Variants in RNGTT observed in about 807,000 individuals in gnomAD.
RNGTT encodes the protein RNA guanylyltransferase and 5'-phosphatase.
RNGTT carries 33 observed loss-of-function variants against 79.3 expected under a neutral mutation model. The observed-to-expected ratio is 0.42, with a 90% CI of 0.32 to 0.56. RNGTT has a LOEUF of 0.56. RNGTT is among the 20% of genes least tolerant of loss of function. The pLI is 0.17. For missense variants in RNGTT, 497 were observed against 739.1 expected (o/e 0.67, Z 3.80); for synonymous variants, 222 against 235.9 (o/e 0.94, Z 0.54).
intron 12 of RNGTT, among the ~76,000 whole-genome samples, chr6:88,779,114 G>A (rs1448017626): frequency 6.6e-6 from 1 of 152,146 alleles, no homozygotes; most frequent in Admixed American, 6.6e-5. Context: ...AGGCCTTTAA[G>A]TAACAGTGGC....
intron 8 of RNGTT, among the ~76,000 whole-genome samples, chr6:88,886,032 G>A (rs1310472535): frequency 2.6e-5 from 4 of 152,306 alleles, no homozygotes; most frequent in East Asian, 3.9e-4. Context: ...GAGGCCGGGC[G>A]CGGTGGCTCA....
At chr6:88,905,841 T>C (rs1783635906) in intron 5 of RNGTT, among the ~76,000 whole-genome samples, 1 of 152,218 alleles carries the variant, frequency 6.6e-6, no homozygotes, top group Admixed American at 6.5e-5. Flanking sequence ...CAAAGTGATT[T>C]GCTGGTTAAT....
At chr6:88,760,244 C>A (rs148278167) in intron 13 of RNGTT, among the ~76,000 whole-genome samples, 4 of 152,024 alleles carry the variant, frequency 2.6e-5, no homozygotes, top group African/African-American at 9.7e-5. Context: ...TTTTGGTAAG[C>A]GGCCTGGGAA....
chr6:88,688,289 T>C (rs1178640449), intron 13 of RNGTT, among the ~76,000 whole-genome samples: 1 of 152,192 alleles, frequency 6.6e-6, no homozygotes, highest in African/African-American at 2.4e-5. Context: ...AGAATTAACA[T>C]TTTGATGTTG....
chr6:88,896,657 A>T (rs1783259503), intron 6 of RNGTT, among the ~76,000 whole-genome samples: 4 of 152,214 alleles, frequency 2.6e-5, no homozygotes, highest in Admixed American at 2.6e-4. Flanking sequence ...CCAGTGCCTG[A>T]GTTCCACTAA....
chr6:88,798,335 C>T (rs1779669360), intron 12 of RNGTT, among the ~76,000 whole-genome samples: 2 of 151,774 alleles, frequency 1.3e-5, no homozygotes, highest in African/African-American at 2.4e-5. Context: ...CGTGGTGGTG[C>T]GCGCCTATAG....
Position 88,849,776 on chromosome 6 carries a change from T to C in RNGTT, c.1083A>G (p.Ile361Met). The change falls in exon 10 of 16, where the codon ATA (isoleucine) becomes ATG (methionine). Residue 361 changes from isoleucine to methionine, a missense_variant. Around this residue, in one of 3 missense-constraint regions of RNGTT, gnomAD observed 440 missense variants for 671.5 expected, o/e 0.66. Coordinates refer to ENST00000369485, the MANE Select transcript of RNGTT (RefSeq NM_003800.5). ...VNGQAVPRYLIYDIIKFNSQP... is the reference protein window; with the variant it reads ...VNGQAVPRYLMYDIIKFNSQP... ...TTACATTGAATTTAATTATGTCATA[T>C]ATCAAATATCTAGGAACAGCCTGTC... 1 of 1,564,284 alleles carries C rather than the reference T, an allele frequency of 6.4e-7. No homozygotes were observed. The highest frequency in any genetic ancestry group is 1.2e-5 in the South Asian group (1 of 82,450).
At chr6:88,703,993 C>T (rs796758722) in intron 13 of RNGTT, among the ~76,000 whole-genome samples, 6 of 152,224 alleles carry the variant, frequency 3.9e-5, no homozygotes, top group Non-Finnish European at 5.9e-5. Context: ...GGTGCGGTGG[C>T]TCACGCCTGT....
chr6:88,756,585 C>G (rs1246201540), intron 13 of RNGTT, among the ~76,000 whole-genome samples: 1 of 152,100 alleles, frequency 6.6e-6, no homozygotes, highest in African/African-American at 2.4e-5. Flanking sequence ...TAAGAGGCTA[C>G]AGACTGAGTT....
chr6:88,887,633 T>C (rs1782910725), intron 8 of RNGTT, among the ~76,000 whole-genome samples: 1 of 152,162 alleles, frequency 6.6e-6, no homozygotes, highest in Non-Finnish European at 1.5e-5. Flanking sequence ...AATTACTTCA[T>C]AAAAAATTAC....
chr6:88,835,940 C>T (rs144396986), intron 11 of RNGTT, among the ~76,000 whole-genome samples: 3,030 of 145,332 alleles, frequency 0.021, 114 homozygotes, highest in African/African-American at 0.071. Context: ...TTGAGACCAG[C>T]CTGGGCAATA....
intron 13 of RNGTT, among the ~76,000 whole-genome samples, chr6:88,690,051 A>T (rs1264008725): frequency 6.6e-6 from 1 of 152,168 alleles, no homozygotes; most frequent in Non-Finnish European, 1.5e-5. Context: ...CAAAAGACCC[A>T]ACTAAGTGAC....
At chr6:88,824,504 T>C (rs994522687) in intron 11 of RNGTT, among the ~76,000 whole-genome samples, 1 of 152,210 alleles carries the variant, frequency 6.6e-6, no homozygotes, top group Non-Finnish European at 1.5e-5. Context: ...AATGGCCACA[T>C]GTGGCTACTA....
chr6:88,790,601 T>G (rs1042002927), intron 12 of RNGTT, among the ~76,000 whole-genome samples: 24 of 152,124 alleles, frequency 1.6e-4, no homozygotes, highest in Non-Finnish European at 2.9e-4. Context: ...CTACACGTTA[T>G]AAAATTTGTA....
At chr6:88,639,355 T>C (rs922433279) in intron 14 of RNGTT, among the ~76,000 whole-genome samples, 30 of 152,304 alleles carry the variant, frequency 2.0e-4, no homozygotes, top group African/African-American at 7.0e-4. Context: ...GCACCTACTA[T>C]TCATATATCT....
At chr6:88,740,221 A>T (rs1777437794) in intron 13 of RNGTT, among the ~76,000 whole-genome samples, 1 of 152,150 alleles carries the variant, frequency 6.6e-6, no homozygotes, top group Non-Finnish European at 1.5e-5. Context: ...AAAAGCGATC[A>T]AAAAATGAAA....
In RNGTT at chr6:88,640,386, C is replaced by CA. The variant is rs34910543; in HGVS notation, c.1507-25992dup. On this transcript the variant is annotated intron_variant, in intron 14 of 15. Transcript: ENST00000369485. ...GCAGCATACCGAGACCCTGTCTCTA[C>CA]AAAAAAAAAAAAAAAAAATCCAGGC... Among the ~76,000 whole-genome samples the CA allele has an allele frequency of 3.5e-3, 336 of 97,110 alleles. 1 individual carries two copies. The highest frequency in any genetic ancestry group is 4.9e-3 in the Middle Eastern group (1 of 204). The allele number at this position is 97,110 out of a possible 152,430, so 63.7% of individuals were successfully genotyped here.
chr6:88,953,527 A>G (rs1785326836), intron 1 of RNGTT, among the ~76,000 whole-genome samples: 1 of 152,230 alleles, frequency 6.6e-6, no homozygotes, highest in South Asian at 2.1e-4. Flanking sequence ...GAAGAGAAAC[A>G]TAAAAGTTTG....
chr6:88,695,078 G>A (rs1775614520), intron 13 of RNGTT, among the ~76,000 whole-genome samples: 1 of 152,010 alleles, frequency 6.6e-6, no homozygotes, highest in South Asian at 2.1e-4. Context: ...AAAAAAAATA[G>A]ATCAAAAACT....
Sources: gnomAD v4.1 joint callset for allele counts (sites outside exome capture counted in the v4.1 genomes callset) on GRCh38, gnomAD v4.1.1 for gene constraint, gnomAD v4.1.1 regional missense constraint, MANE v1.5 for transcripts, NCBI Gene and HGNC (gene_info 2026-07-23, HGNC 2026-07-21) for gene names.